The following CUL5 variants were observed in gnomAD, a reference collection of about 807,000 sequenced individuals.
The protein encoded by CUL5 is cullin-5.
A neutral mutation model predicts 108.8 loss-of-function variants in CUL5; 26 were observed. That is an observed-to-expected ratio of 0.24 (90% CI 0.18 to 0.33). The LOEUF (loss-of-function observed/expected upper bound fraction) is 0.33, where lower values mean the gene tolerates loss of function less well. CUL5 is among the 10% of genes least tolerant of loss of function. CUL5 has a pLI of 1.00. For synonymous variants in CUL5, 334 were observed against 298.0 expected (o/e 1.12, Z -1.25); for missense variants, 524 against 909.2 (o/e 0.58, Z 5.45).
At position 108,047,307 on chromosome 11, in the gene CUL5, C is replaced by A. The variant is rs1426655224; in HGVS notation, c.234+938C>A. Among the ~76,000 whole-genome samples, 4 of 151,948 alleles carry A rather than the reference C, an allele frequency of 2.6e-5. No homozygotes were observed. In the East Asian group the frequency reaches 5.8e-4, roughly 22 times the overall value. ...ACTCAGCTTGGGCAGCAGAGTGAGA[C>A]CCTGTCTCAAAAAAAGGCAAAAAAA... On this transcript the variant is annotated intron_variant, in intron 3 of 18. Transcript: ENST00000393094.
intron 1 of CUL5, among the ~76,000 whole-genome samples, chr11:108,029,860 C>G (rs903943650): frequency 6.6e-6 from 1 of 152,176 alleles, no homozygotes; most frequent in African/African-American, 2.4e-5. Context: ...TACCTGTCTA[C>G]TCTGGTACTC....
intron 2 of CUL5, among the ~76,000 whole-genome samples, chr11:108,042,500 G>A (rs1376349764): frequency 6.6e-6 from 1 of 152,054 alleles, no homozygotes; most frequent in Non-Finnish European, 1.5e-5. Context: ...GGGATTGCAA[G>A]CTTGAGCCAC....
chr11:108,026,167 T>C (rs1862447098), intron 1 of CUL5, among the ~76,000 whole-genome samples: 2 of 152,122 alleles, frequency 1.3e-5, no homozygotes, highest in African/African-American at 4.8e-5. Context: ...TGCCCCTGTC[T>C]TGTTCTGCTT....
intron 1 of CUL5, among the ~76,000 whole-genome samples, chr11:108,027,171 G>A (rs915678487): frequency 2.0e-5 from 3 of 151,400 alleles, no homozygotes; most frequent in Non-Finnish European, 4.4e-5. Flanking sequence ...TCTCACTGTC[G>A]CTGTCGCCTA....
At chr11:108,079,659 G>T (rs68076088) in intron 11 of CUL5, among the ~76,000 whole-genome samples, 29,822 of 152,072 alleles carry the variant, frequency 0.2, 3,405 homozygotes, top group East Asian at 0.48. Context: ...ATTTGAGTCA[G>T]ATTTGACAAA....
chr11:108,059,456 G>A (rs773941745), intron 7 of CUL5, among the ~76,000 whole-genome samples: 5 of 152,160 alleles, frequency 3.3e-5, no homozygotes, highest in Non-Finnish European at 7.3e-5. Flanking sequence ...TAGGGAGGGA[G>A]TGTATTACAG....
chr11:108,040,424 C>A (rs747668145), intron 2 of CUL5, among the ~76,000 whole-genome samples: 3 of 152,130 alleles, frequency 2.0e-5, no homozygotes, highest in Non-Finnish European at 4.4e-5. Context: ...CCACCCTGGT[C>A]AACATGGTAA....
Position 108,031,334 on chromosome 11 carries a change from C to T in CUL5, c.25-2468C>T, listed in dbSNP as rs181388397. 6.2e-3 allele frequency among the ~76,000 whole-genome samples: 928 copies of T among 149,296 alleles called. 4 individuals are homozygous for T. The highest frequency in any genetic ancestry group is 9.8e-3 in the Non-Finnish European group (663 of 67,518). ...GAGCCAAGATTATGCCACTGCACTC[C>T]AGCCTGGGCAACAGAACGAGACTCT... On this transcript the variant is annotated intron_variant, in intron 1 of 18. Coordinates refer to ENST00000393094, the MANE Select transcript of CUL5 (RefSeq NM_003478.6).
rs570792704 is a variant in CUL5, at chr11:108,021,601, C to T, written c.25-12201C>T. On this transcript the variant is annotated intron_variant, in intron 1 of 18. Coordinates refer to ENST00000393094, the MANE Select transcript of CUL5 (RefSeq NM_003478.6). The stretch of plus-strand genomic sequence containing the variant: ...CCGAGCTTAAGCAGTGCTCTTGCCT[C>T]AACCTCTGGAGTAGCTGTTGGGACT... Among the ~76,000 whole-genome samples the T allele has an allele frequency of 3.9e-5, 6 of 152,268 alleles. No homozygotes were observed. In the East Asian group the frequency reaches 7.7e-4, roughly 20 times the overall value.
intron 1 of CUL5, among the ~76,000 whole-genome samples, chr11:108,014,677 C>T (rs1862136507): frequency 6.6e-6 from 1 of 152,096 alleles, no homozygotes; most frequent in Admixed American, 6.6e-5. Flanking sequence ...ATGGGAAATA[C>T]ATTTATTCAT....
At chr11:108,096,710 G>A (rs1815598189) in intron 16 of CUL5, among the ~76,000 whole-genome samples, 1 of 151,094 alleles carries the variant, frequency 6.6e-6, no homozygotes, top group Non-Finnish European at 1.5e-5. Flanking sequence ...GGAATTACAG[G>A]CATGTGCCAC....
chr11:108,020,848 A>G (rs1347014456), intron 1 of CUL5, among the ~76,000 whole-genome samples: 3 of 152,238 alleles, frequency 2.0e-5, no homozygotes, highest in African/African-American at 4.8e-5. Context: ...TAAAGTGTAC[A>G]GTAATGTCCT....
At chr11:108,099,220 G>C (rs35860055) in intron 18 of CUL5, among the ~76,000 whole-genome samples, 35,080 of 151,994 alleles carry the variant, frequency 0.23, 4,290 homozygotes, top group East Asian at 0.48. Context: ...GCCCAGGCTG[G>C]TCTCGAACTC....
chr11:108,017,041 CTG>C (rs934732614), intron 1 of CUL5, among the ~76,000 whole-genome samples: 2 of 152,084 alleles, frequency 1.3e-5, no homozygotes, highest in African/African-American at 2.4e-5. Flanking sequence ...ATCTGTGTAG[CTG>C]TGGTTTGTTC....
At chr11:108,011,927 CT>C (rs1358589749) in intron 1 of CUL5, among the ~76,000 whole-genome samples, 1 of 152,132 alleles carries the variant, frequency 6.6e-6, no homozygotes, top group Non-Finnish European at 1.5e-5. Flanking sequence ...TGTCTAGCTG[CT>C]TTTCTTTTTT....
intron 2 of CUL5, among the ~76,000 whole-genome samples, chr11:108,039,410 A>G (rs2135102275): frequency 6.6e-6 from 1 of 152,330 alleles, no homozygotes; most frequent in South Asian, 2.1e-4. Context: ...GCATTATAAA[A>G]ACAAAGATTC....
chr11:108,072,242 TACTATTA>T, intron 8 of CUL5, 83 bp from the exon 9 acceptor site: 1 of 1,077,652 alleles, frequency 9.3e-7, no homozygotes, highest in Non-Finnish European at 1.3e-6. Flanking sequence ...ATCCACAGAA[TACTATTA>T]ACATTACAAA....
intron 3 of CUL5, among the ~76,000 whole-genome samples, chr11:108,048,441 CAT>C (rs1180084742): frequency 1.1e-4 from 16 of 152,050 alleles, no homozygotes; most frequent in Non-Finnish European, 8.8e-5. Flanking sequence ...CATTAAAACT[CAT>C]ATATGGTTTT....
At position 108,105,897 on chromosome 11, in the gene CUL5, G is replaced by T. The variant is rs573572877; in HGVS notation, c.*1513G>T. 1.3e-5 allele frequency: 2 copies of T among 152,112 alleles called. No individual in the cohort carries two copies. The highest frequency in any genetic ancestry group is 1.9e-4 in the East Asian group (1 of 5,192). 9.4% of individuals were successfully genotyped at this position (152,112 alleles called of 1,614,324 possible). ...AGTGGAGTGCTTTCAAGAGCATTTC[G>T]TAGGATCTGTCCCCATCCGAAGAGG... is the stretch of plus-strand genomic sequence containing the variant. On this transcript the variant is annotated 3_prime_UTR_variant, in exon 19 of 19. Transcript: ENST00000393094.
Sources: allele counts gnomAD v4.1 joint callset (sites outside exome capture counted in the v4.1 genomes callset), GRCh38; gene constraint gnomAD v4.1.1; transcripts MANE v1.5; gene names NCBI Gene and HGNC (gene_info 2026-07-23, HGNC 2026-07-21).